The following AGBL1 variants were observed in gnomAD, a reference collection of about 807,000 sequenced individuals.
AGBL1 encodes the protein cytosolic carboxypeptidase 4.
In AGBL1, 130 loss-of-function variants were observed where a neutral mutation model predicts 118.9. The observed-to-expected ratio is 1.09, with a 90% CI of 0.95 to 1.26. AGBL1 has a LOEUF of 1.26. AGBL1 is among the 50% of genes most tolerant of loss of function. The probability of loss-of-function intolerance (pLI) is 0.00; values close to 1 mark genes in which losing one functional copy is unlikely to be tolerated. For synonymous variants in AGBL1, 555 were observed against 478.9 expected (o/e 1.16, Z -2.08); for missense variants, 1,584 against 1,298.1 (o/e 1.22, Z -3.38).
chr15:86,262,686 A>C (rs1302237255), intron 9 of AGBL1, 92 bp from the exon 10 acceptor site: 1 of 867,382 alleles, frequency 1.2e-6, no homozygotes, highest in Non-Finnish European at 1.9e-6. Flanking sequence ...ACCATGTCCT[A>C]AGATTCTGAA....
intron 1 of AGBL1, among the ~76,000 whole-genome samples, chr15:86,127,008 T>A (rs536969114): frequency 7.9e-5 from 12 of 152,304 alleles, no homozygotes; most frequent in African/African-American, 2.2e-4. Flanking sequence ...ACTTCTGAGA[T>A]GTGCCTCATG....
At chr15:86,530,632 C>T (rs12905072) in intron 19 of AGBL1, among the ~76,000 whole-genome samples, 68,034 of 150,390 alleles carry the variant, frequency 0.45, 16,141 homozygotes, top group East Asian at 0.68. Context: ...ACAGAACTCT[C>T]CACCCCAAAT....
At position 86,913,065 on chromosome 15, in the gene AGBL1, G is replaced by A. The variant is rs560988907; in HGVS notation, c.*5771G>A. ...TAAAAGGGAATTTTGAGATAAAAAT[G>A]GATTCTATTACAACCTTTCAGTGCC... On this transcript the variant is annotated 3_prime_UTR_variant, in exon 23 of 23. Transcript: ENST00000614907. The A allele has an allele frequency of 1.3e-5, 2 of 152,172 alleles. No homozygotes were observed. The highest frequency in any genetic ancestry group is 4.8e-5 in the African/African-American group (2 of 41,514). 9.4% of individuals were successfully genotyped at this position (152,172 alleles called of 1,614,324 possible).
At chr15:86,988,832 G>A (rs2081309998) in intron 24 of AGBL1, among the ~76,000 whole-genome samples, 1 of 152,014 alleles carries the variant, frequency 6.6e-6, no homozygotes. Flanking sequence ...TCTTTTACAT[G>A]AATATTAATA....
chr15:86,179,559 T>C (rs527701649), intron 5 of AGBL1, among the ~76,000 whole-genome samples: 18 of 152,292 alleles, frequency 1.2e-4, no homozygotes, highest in Middle Eastern at 3.4e-3. Context: ...GGGAACTTTC[T>C]CAATAAATCA....
At chr15:86,417,052 G>A (rs1027736087) in intron 18 of AGBL1, among the ~76,000 whole-genome samples, 6 of 152,142 alleles carry the variant, frequency 3.9e-5, no homozygotes, top group East Asian at 1.9e-4. Flanking sequence ...AGAACTTAAC[G>A]TCTAGTTCAG....
intron 21 of AGBL1, among the ~76,000 whole-genome samples, chr15:86,650,708 C>T (rs2085354773): frequency 6.6e-6 from 1 of 152,168 alleles, no homozygotes. Context: ...TATTTGTGAT[C>T]CTCCAGCAAC....
intron 16 of AGBL1, among the ~76,000 whole-genome samples, chr15:86,285,535 T>A (rs917550061): frequency 6.6e-6 from 1 of 152,290 alleles, no homozygotes; most frequent in South Asian, 2.1e-4. Context: ...CCTGCCACCA[T>A]GTAAGACGTG....
chr15:86,723,918 A>G (rs1344549471), intron 22 of AGBL1, among the ~76,000 whole-genome samples: 1 of 151,982 alleles, frequency 6.6e-6, no homozygotes, highest in Non-Finnish European at 1.5e-5. Flanking sequence ...TGAGATTATG[A>G]GGGAGTAAGA....
chr15:86,411,980 A>G (rs1455083717), intron 18 of AGBL1, among the ~76,000 whole-genome samples: 2 of 151,984 alleles, frequency 1.3e-5, no homozygotes, highest in Admixed American at 1.3e-4. Flanking sequence ...GAAAGCACCC[A>G]CTCCTAGCTG....
chr15:86,944,928 C>T (rs757973653), intron 23 of AGBL1, among the ~76,000 whole-genome samples: 3 of 152,146 alleles, frequency 2.0e-5, no homozygotes, highest in Non-Finnish European at 2.9e-5. Flanking sequence ...CGGCTGTAAA[C>T]TGGCTCTTTC....
At chr15:86,744,957 C>T (rs1206467858) in intron 22 of AGBL1, among the ~76,000 whole-genome samples, 2 of 152,226 alleles carry the variant, frequency 1.3e-5, no homozygotes, top group East Asian at 3.9e-4. Context: ...ATTGATCTCT[C>T]TCGAGAAGTA....
At chr15:86,467,059 A>C (rs2082416836) in intron 18 of AGBL1, among the ~76,000 whole-genome samples, 1 of 152,190 alleles carries the variant, frequency 6.6e-6, no homozygotes, top group Non-Finnish European at 1.5e-5. Context: ...AATTCTGCTG[A>C]AGCTGCTCCC....
intron 22 of AGBL1, among the ~76,000 whole-genome samples, chr15:86,683,577 C>G (rs1313346536): frequency 6.6e-6 from 1 of 152,140 alleles, no homozygotes; most frequent in Non-Finnish European, 1.5e-5. Context: ...CATTGCCAGT[C>G]AACATGGGGG....
chr15:86,556,390 G>T, intron 21 of AGBL1: 1 of 960,108 alleles, frequency 1.0e-6, no homozygotes, highest in Non-Finnish European at 1.6e-6. Context: ...CCCTAACAGT[G>T]CCAGACCTGG....
At chr15:86,793,649 C>G (rs765345223) in intron 22 of AGBL1, among the ~76,000 whole-genome samples, 1 of 152,036 alleles carries the variant, frequency 6.6e-6, no homozygotes, top group Non-Finnish European at 1.5e-5. Context: ...TTTTGTTTAT[C>G]AAAGGAAACT....
rs547455890 is a variant in AGBL1, at chr15:86,926,521, C to T, written c.3222-61466C>T. On this transcript the variant is annotated intron_variant, in intron 23 of 24. Coordinates refer to the AGBL1 transcript ENST00000441037. ...ATGACCTTGAACACGATGGATTTGACCCCCAACCCAAAAGAAGCAAGTCAA... is the reference window on the plus strand; with the variant it reads ...ATGACCTTGAACACGATGGATTTGATCCCCAACCCAAAAGAAGCAAGTCAA... 9.9e-5 allele frequency among the ~76,000 whole-genome samples: 15 copies of T among 152,242 alleles called. No homozygotes were observed. The South Asian group carries it at 2.5e-3, about 25-fold the overall frequency.
intron 22 of AGBL1, among the ~76,000 whole-genome samples, chr15:86,742,219 G>A (rs2077690911): frequency 6.6e-6 from 1 of 152,100 alleles, no homozygotes; most frequent in South Asian, 2.1e-4. Context: ...TTCTTTCCTA[G>A]AGGATTTCCT....
chr15:86,434,211 G>T (rs545396902), intron 18 of AGBL1, among the ~76,000 whole-genome samples: 4 of 152,210 alleles, frequency 2.6e-5, no homozygotes, highest in Non-Finnish European at 5.9e-5. Flanking sequence ...GAAAGCTGTT[G>T]TCCACACAGA....
Sources: gnomAD v4.1 joint callset for allele counts (sites outside exome capture counted in the v4.1 genomes callset) on GRCh38, gnomAD v4.1.1 for gene constraint, MANE v1.5 for transcripts, NCBI Gene and HGNC (gene_info 2026-07-23, HGNC 2026-07-21) for gene names.